REPS1: variants seen among roughly 807,000 people sequenced by gnomAD.
REPS1 encodes ralBP1-associated Eps domain-containing protein 1.
A neutral mutation model predicts 100.9 loss-of-function variants in REPS1; 39 were observed. The ratio of observed to expected loss-of-function variants is 0.39; its 90% CI spans 0.30 to 0.50. REPS1 has a LOEUF of 0.50. Among genes scored for constraint, REPS1 ranks in the 20% least tolerant of loss-of-function variants. The pLI is 0.86. For synonymous variants in REPS1, 324 were observed against 340.3 expected (o/e 0.95, Z 0.53); for missense variants, 821 against 968.5 (o/e 0.85, Z 2.02).
intron 8 of REPS1, among the ~76,000 whole-genome samples, chr6:138,930,302 T>C (rs1191885433): frequency 6.6e-6 from 1 of 152,160 alleles, no homozygotes; most frequent in Non-Finnish European, 1.5e-5. Context: ...AAACCACAGC[T>C]TTTCATGAAA....
At chr6:138,915,420 C>T (rs2128436294) in intron 14 of REPS1, among the ~76,000 whole-genome samples, 1 of 150,972 alleles carries the variant, frequency 6.6e-6, no homozygotes, top group East Asian at 1.9e-4. Flanking sequence ...CTCTCATCTG[C>T]TGTCTTTTAA....
At chr6:138,944,989 C>T (rs1377488738) in intron 4 of REPS1, among the ~76,000 whole-genome samples, 3 of 152,144 alleles carry the variant, frequency 2.0e-5, no homozygotes, top group Non-Finnish European at 4.4e-5. Context: ...CTTAAACTTA[C>T]AATTAAAAAC....
At chr6:138,942,292 T>C (rs759941682) in intron 7 of REPS1, among the ~76,000 whole-genome samples, 53 of 152,216 alleles carry the variant, frequency 3.5e-4, no homozygotes, top group Admixed American at 5.2e-4. Flanking sequence ...ATGCATATAT[T>C]ACTAGTTTTT....
intron 1 of REPS1, among the ~76,000 whole-genome samples, chr6:138,975,310 C>T (rs991899478): frequency 2.0e-5 from 3 of 152,160 alleles, no homozygotes; most frequent in African/African-American, 7.2e-5. Flanking sequence ...AACTTCACTT[C>T]AAGAGAGCAA....
chr6:138,930,900 A>G (rs1171765523), intron 8 of REPS1, among the ~76,000 whole-genome samples: 5 of 152,222 alleles, frequency 3.3e-5, no homozygotes, highest in Non-Finnish European at 7.3e-5. Context: ...AATGGTTTTT[A>G]AAGTATTTTG....
intron 17 of REPS1, among the ~76,000 whole-genome samples, chr6:138,909,927 T>C (rs1167860037): frequency 6.6e-6 from 1 of 152,198 alleles, no homozygotes; most frequent in African/African-American, 2.4e-5. Context: ...TTTATAACTA[T>C]TGGGAATGTC....
At position 138,904,617 on chromosome 6, in the gene REPS1, ATTCT is replaced by A. The variant is rs1664715706; in HGVS notation, c.*443_*446del. On this transcript the variant is annotated 3_prime_UTR_variant, in exon 20 of 20. Transcript: ENST00000450536. ...GGTGAAAACCACCTTATCCAATATA[ATTCT>A]TTAAAATCAAAATTAAATGGGAAAC... The A allele has an allele frequency of 6.5e-6, 1 of 152,922 alleles. No homozygotes were observed. Among genetic ancestry groups the A allele is most frequent in the African/African-American group, 2.4e-5 (1 of 41,484 alleles). 9.5% of individuals were successfully genotyped at this position (152,922 alleles called of 1,614,324 possible).
intron 1 of REPS1, among the ~76,000 whole-genome samples, chr6:138,968,266 T>C (rs1345525089): frequency 6.6e-6 from 1 of 152,214 alleles, no homozygotes; most frequent in Non-Finnish European, 1.5e-5. Context: ...GATTTTAAGC[T>C]GACTAAATGA....
chr6:138,941,661 C>T lies in REPS1; in HGVS notation c.981-172G>A, dbSNP rs541373889. ...AGCAAATGTAGCAAAATGTTACCTC[C>T]AGAATCTAGGTGGTAGTATATGAAT... On this transcript the variant is annotated intron_variant, in intron 7 of 19. Transcript: ENST00000450536. Among the ~76,000 whole-genome samples the T allele has an allele frequency of 1.1e-3, 167 of 152,216 alleles. 4 individuals are homozygous for T. In the South Asian group the frequency reaches 0.033, roughly 30 times the overall value.
intron 10 of REPS1, among the ~76,000 whole-genome samples, chr6:138,922,905 T>A (rs932672164): frequency 3.3e-5 from 5 of 152,240 alleles, no homozygotes; most frequent in Non-Finnish European, 4.4e-5. Flanking sequence ...CCCTCTCTTA[T>A]CTGACATATC....
At position 138,966,229 on chromosome 6, in the gene REPS1, G is replaced by A. The variant is rs1296111464; in HGVS notation, c.154-18316C>T. Among the ~76,000 whole-genome samples the A allele has an allele frequency of 5.3e-5, 8 of 152,252 alleles. No homozygotes were observed. In the South Asian group the frequency reaches 6.2e-4, roughly 12 times the overall value. ...TCAAGTATCTCAAGTGAGTAGAACC[G>A]TGGTTAAATAGAGTTAAGCATGATA... On this transcript the variant is annotated intron_variant, in intron 1 of 19. Coordinates refer to ENST00000450536, the MANE Select transcript of REPS1 (RefSeq NM_001286611.2).
chr6:138,945,178 G>A (rs1306354375), intron 4 of REPS1, 41 bp downstream of exon 4: 1 of 1,535,652 alleles, frequency 6.5e-7, no homozygotes. Context: ...AGACCAGCCT[G>A]GGCAACACAA....
At chr6:138,909,192 C>T (rs986138134) in intron 17 of REPS1, among the ~76,000 whole-genome samples, 2 of 152,146 alleles carry the variant, frequency 1.3e-5, no homozygotes, top group African/African-American at 2.4e-5. Context: ...CTCAAAAATA[C>T]TAACATTCAT....
chr6:138,923,168 T>C (rs771187557), intron 10 of REPS1, among the ~76,000 whole-genome samples: 7 of 152,186 alleles, frequency 4.6e-5, no homozygotes, highest in Admixed American at 2.0e-4. Flanking sequence ...CAGGAAAGTA[T>C]TTATAAGAAT....
chr6:138,936,359 T>C (rs1008985968), intron 8 of REPS1, among the ~76,000 whole-genome samples: 1 of 152,086 alleles, frequency 6.6e-6, no homozygotes, highest in Admixed American at 6.5e-5. Flanking sequence ...AAAACCATAA[T>C]CTTTTAAAGC....
chr6:138,907,025 G>C (rs866229070), intron 19 of REPS1, among the ~76,000 whole-genome samples: 1 of 152,142 alleles, frequency 6.6e-6, no homozygotes, highest in Non-Finnish European at 1.5e-5. Context: ...TCAGGTATTA[G>C]GTGACAGTAT....
At chr6:138,980,664 CTT>C (rs57774339) in intron 1 of REPS1, among the ~76,000 whole-genome samples, 3 of 45,004 alleles carry the variant, frequency 6.7e-5, no homozygotes, top group African/African-American at 1.4e-4. Context: ...TTCTTTTTTC[CTT>C]TTTTTTTTGT....
At chr6:138,921,165 T>A in intron 10 of REPS1, 41 bp from the exon 11 acceptor site, 1 of 1,357,360 alleles carries the variant, frequency 7.4e-7, no homozygotes, top group South Asian at 1.2e-5. Context: ...TGTATTAAAA[T>A]GTCAAGCTAA....
chr6:138,919,523 C>A lies in REPS1; in HGVS notation c.1528+692G>T, dbSNP rs78073301. Among the ~76,000 whole-genome samples, 644 of 152,340 alleles carry A rather than the reference C, an allele frequency of 4.2e-3. 6 individuals carry two copies. The highest frequency in any genetic ancestry group is 0.027 in the South Asian group (131 of 4,816). Reference sequence around the variant, plus strand: ...TCCTGTTACTATCCTACCACTGCTACCTTTCCCTGCCAAATTTGCTAACTA... The same window carrying A: ...TCCTGTTACTATCCTACCACTGCTAACTTTCCCTGCCAAATTTGCTAACTA... On this transcript the variant is annotated intron_variant, in intron 12 of 19. Transcript: ENST00000450536.
Sources: allele counts gnomAD v4.1 joint callset (sites outside exome capture counted in the v4.1 genomes callset), GRCh38; gene constraint gnomAD v4.1.1; transcripts MANE v1.5; gene names NCBI Gene and HGNC (gene_info 2026-07-23, HGNC 2026-07-21).